ATXN2: variants seen among roughly 807,000 people sequenced by gnomAD.
The protein encoded by ATXN2 is ataxin-2.
Under a neutral mutation model 138.6 loss-of-function variants are expected in ATXN2, and 37 were observed. The observed-to-expected ratio is 0.27, with a 90% CI of 0.21 to 0.35. The LOEUF is 0.35. Among genes scored for constraint, ATXN2 ranks in the 10% least tolerant of loss-of-function variants. The probability of loss-of-function intolerance (pLI) is 1.00; values close to 1 mark genes in which losing one functional copy is unlikely to be tolerated. For missense variants in ATXN2, 1,216 were observed against 1,480.3 expected (o/e 0.82, Z 2.93); for synonymous variants, 549 against 543.7 (o/e 1.01, Z -0.13).
chr12:111,513,428 C>T lies in ATXN2; in HGVS notation c.1487G>A (p.Ser496Asn). The change falls in exon 11 of 25, where the codon AGT (serine) becomes AAT (asparagine). Residue 496 changes from serine (S) to asparagine (N), a missense_variant. Physicochemically the swap from Ser to Asn is conservative, Grantham distance 46. Coordinates refer to ENST00000673436, the MANE Select transcript of ATXN2 (RefSeq NM_001372574.1). ...TGCTACTGGAGGAGTAGCTGCTTCA[C>T]TGGGTGGGTTGTGGGATACAAATTC... ...GLEFVSHNPP[S>N]EAATPPVART... 1.2e-6 allele frequency: 2 copies of T among 1,614,066 alleles called. No individual in the cohort carries two copies. Among genetic ancestry groups the T allele is most frequent in the South Asian group, 2.2e-5 (2 of 91,062 alleles).
At chr12:111,508,490 A>C (rs1481915268) in intron 14 of ATXN2, among the ~76,000 whole-genome samples, 4 of 121,236 alleles carry the variant, frequency 3.3e-5, no homozygotes, top group African/African-American at 1.3e-4. Context: ...TCTGTCGCCC[A>C]GGATGGAGTG....
At chr12:111,555,222 C>T (rs540033300) in intron 2 of ATXN2, among the ~76,000 whole-genome samples, 2 of 152,208 alleles carry the variant, frequency 1.3e-5, no homozygotes, top group Admixed American at 1.3e-4. Flanking sequence ...TGGTGTTCTA[C>T]GTATCTTTTG....
rs146780345 is a variant in ATXN2 at position 111,548,216 on chromosome 12, C to T, written c.571+4064G>A. Among the ~76,000 whole-genome samples the T allele has an allele frequency of 2.7e-3, 410 of 152,086 alleles. 15 individuals carry two copies. Among genetic ancestry groups the T allele is most frequent in the Admixed American group, 0.024 (364 of 15,248 alleles). On this transcript the variant is annotated intron_variant, in intron 5 of 24. Coordinates refer to ENST00000673436, the MANE Select transcript of ATXN2 (RefSeq NM_001372574.1). Reference sequence around the variant, plus strand: ...CAAAACAAACAAACAAACATTAATTCGACTTATGACAACTGAGATAAACAA... The same window carrying T: ...CAAAACAAACAAACAAACATTAATTTGACTTATGACAACTGAGATAAACAA...
In ATXN2 at chr12:111,453,194, A is replaced by G; in HGVS notation, c.3440-354T>C. 9.0e-7 allele frequency: 1 copy of G among 1,113,146 alleles called. No individual in the cohort carries two copies. The highest frequency in any genetic ancestry group is 1.1e-6 in the Non-Finnish European group (1 of 911,152). 69.0% of individuals were successfully genotyped at this position (1,113,146 alleles called of 1,614,324 possible). Reference sequence around the variant, plus strand: ...CGCCATGGCAGCCATCAAGTAGTAGAGCACAATCACAGGGCGCTCTCCCCT... The same window carrying G: ...CGCCATGGCAGCCATCAAGTAGTAGGGCACAATCACAGGGCGCTCTCCCCT... On this transcript the variant is annotated intron_variant, in intron 24 of 24. Transcript: ENST00000673436. The surrounding 1 kb of genome is among the most constrained non-coding windows in gnomAD (Gnocchi z 5.4).
At chr12:111,455,918 G>T in intron 23 of ATXN2, 111 bp downstream of exon 23, 2 of 1,037,350 alleles carry the variant, frequency 1.9e-6, no homozygotes, top group Non-Finnish European at 3.0e-6. Flanking sequence ...AGGGAGACAG[G>T]CAAATGGCAT....
intron 1 of ATXN2, among the ~76,000 whole-genome samples, chr12:111,580,677 G>C (rs1592924803): frequency 1.5e-5 from 2 of 130,578 alleles, no homozygotes; most frequent in Non-Finnish European, 3.3e-5. Flanking sequence ...GGGAGGGAGG[G>C]GGGGAGAGAG....
intron 5 of ATXN2, among the ~76,000 whole-genome samples, chr12:111,542,241 T>C (rs1307569568): frequency 1.3e-5 from 2 of 151,368 alleles, no homozygotes; most frequent in Non-Finnish European, 3.0e-5. Flanking sequence ...ATGCTTATTT[T>C]TGTTTTTGAG....
chr12:111,577,966 C>T (rs1426703105), intron 1 of ATXN2, among the ~76,000 whole-genome samples: 8 of 151,864 alleles, frequency 5.3e-5, no homozygotes, highest in Non-Finnish European at 8.8e-5. Flanking sequence ...GAGGCCACGG[C>T]GGGTGGATCA....
intron 20 of ATXN2, among the ~76,000 whole-genome samples, chr12:111,466,172 T>TAA (rs11326711): frequency 8.5e-6 from 1 of 117,788 alleles, no homozygotes; most frequent in Admixed American, 8.9e-5. Context: ...TCTCAAAAAT[T>TAA]AAAAAAAAAA....
intron 14 of ATXN2, among the ~76,000 whole-genome samples, chr12:111,491,196 T>G (rs1878007713): frequency 6.6e-6 from 1 of 152,054 alleles, no homozygotes; most frequent in African/African-American, 2.4e-5. Flanking sequence ...GAGGTTGTGG[T>G]GAGCTGAGAT....
chr12:111,488,384 A>C (rs1877778332), intron 15 of ATXN2, 92 bp downstream of exon 15: 1 of 1,340,366 alleles, frequency 7.5e-7, no homozygotes, highest in South Asian at 1.5e-5. Context: ...AAAAGTCCAG[A>C]TGGATTCTTC....
chr12:111,562,720 CAAA>C (rs34625134), intron 1 of ATXN2, among the ~76,000 whole-genome samples: 6,549 of 55,670 alleles, frequency 0.12, 352 homozygotes, highest in African/African-American at 0.33. Flanking sequence ...AACTCCATCT[CAAA>C]AAAAAAAAAA....
chr12:111,523,763 G>GAA (rs34024430), intron 6 of ATXN2, among the ~76,000 whole-genome samples: 1 of 136,612 alleles, frequency 7.3e-6, no homozygotes. Context: ...AAATAATGCT[G>GAA]AAAAAAAAAA....
chr12:111,559,537 G>A (rs1387061873), intron 1 of ATXN2, among the ~76,000 whole-genome samples: 1 of 151,548 alleles, frequency 6.6e-6, no homozygotes, highest in African/African-American at 2.4e-5. Flanking sequence ...ACTTTGGGAG[G>A]CCGAGGTGGG....
At chr12:111,529,700 G>C (rs1434116163) in intron 5 of ATXN2, among the ~76,000 whole-genome samples, 1 of 152,182 alleles carries the variant, frequency 6.6e-6, no homozygotes, top group Middle Eastern at 3.2e-3. Context: ...CCAGGAAACA[G>C]AGTACATATT....
intron 8 of ATXN2, 149 bp downstream of exon 8, chr12:111,519,730 C>A: frequency 7.2e-7 from 1 of 1,380,584 alleles, no homozygotes; most frequent in Non-Finnish European, 9.7e-7. Flanking sequence ...ATCACCATAA[C>A]CTTTTCTCTA....
chr12:111,520,381 A>G (rs1189022038), intron 7 of ATXN2, among the ~76,000 whole-genome samples: 1 of 152,196 alleles, frequency 6.6e-6, no homozygotes, highest in Non-Finnish European at 1.5e-5. Context: ...GGCCAGGCAC[A>G]GTGGCTCACA....
chr12:111,509,787 A>G, intron 13 of ATXN2, 104 bp downstream of exon 13: 6 of 1,006,768 alleles, frequency 6.0e-6, no homozygotes, highest in Non-Finnish European at 9.0e-6. Context: ...ATCTATCACA[A>G]TAGTAAGAAG....
intron 23 of ATXN2, chr12:111,455,214 C>A: frequency 1.5e-6 from 1 of 684,482 alleles, no homozygotes. Context: ...TCTAATACAG[C>A]CAATTCACCC....
Sources: allele counts gnomAD v4.1 joint callset (sites outside exome capture counted in the v4.1 genomes callset), GRCh38; gene constraint gnomAD v4.1.1; non-coding constraint Gnocchi (gnomAD v3.1); transcripts MANE v1.5; gene names NCBI Gene and HGNC (gene_info 2026-07-23, HGNC 2026-07-21).